SNTB1: variants seen among roughly 807,000 people sequenced by gnomAD.
SNTB1 encodes the protein syntrophin beta 1.
In SNTB1, 36 loss-of-function variants were observed where a neutral mutation model predicts 48.9. The observed-to-expected ratio is 0.74, with a 90% CI of 0.56 to 0.97. The LOEUF (loss-of-function observed/expected upper bound fraction) is 0.97. SNTB1 is among the 50% of genes least tolerant of loss of function. SNTB1 has a pLI of 0.00. For missense variants in SNTB1, 786 were observed against 703.4 expected (o/e 1.12, Z -1.33); for synonymous variants, 299 against 294.6 (o/e 1.01, Z -0.15).
intron 2 of SNTB1, among the ~76,000 whole-genome samples, chr8:120,659,571 C>T (rs1390038433): frequency 1.3e-5 from 2 of 152,130 alleles, no homozygotes; most frequent in Admixed American, 6.5e-5. Context: ...TTTTGACCTC[C>T]TCCCATAAAT....
chr8:120,722,886 T>TAA (rs2129954104), intron 1 of SNTB1, among the ~76,000 whole-genome samples: 1 of 152,312 alleles, frequency 6.6e-6, no homozygotes, highest in East Asian at 1.9e-4. Flanking sequence ...GTCTAACATT[T>TAA]AAGTCTTTAA....
intron 1 of SNTB1, among the ~76,000 whole-genome samples, chr8:120,778,220 A>T (rs1186411784): frequency 6.6e-6 from 1 of 152,222 alleles, no homozygotes; most frequent in Non-Finnish European, 1.5e-5. Context: ...GTTCCCAGGA[A>T]CATTTCTTCC....
chr8:120,758,202 T>C (rs905720366), intron 1 of SNTB1, among the ~76,000 whole-genome samples: 1 of 152,208 alleles, frequency 6.6e-6, no homozygotes, highest in Admixed American at 6.5e-5. Context: ...CTCTTGAAAT[T>C]TGCACTTCTC....
intron 2 of SNTB1, among the ~76,000 whole-genome samples, chr8:120,692,312 G>A (rs1818142215): frequency 6.6e-6 from 1 of 152,102 alleles, no homozygotes; most frequent in Non-Finnish European, 1.5e-5. Context: ...TTCCCCATGA[G>A]CAACTCTGAG....
intron 4 of SNTB1, among the ~76,000 whole-genome samples, 197 bp downstream of exon 4, chr8:120,574,889 T>C (rs1422996277): frequency 2.0e-5 from 3 of 152,242 alleles, no homozygotes; most frequent in Non-Finnish European, 2.9e-5. Context: ...TTTTGTTCTT[T>C]GTCTCTGTGT....
rs559807299 is a variant in SNTB1, at chr8:120,633,295, T to G, written c.789-644A>C. Among the ~76,000 whole-genome samples the G allele has an allele frequency of 5.3e-5, 8 of 152,206 alleles. No individual in the cohort carries two copies. In the South Asian group the frequency reaches 1.7e-3, roughly 32 times the overall value. ...GAAGAGGTAACAATGGGGAGAGAGA[T>G]GCACTAAATGTATTCTATTTAAAGT... On this transcript the variant is annotated intron_variant, in intron 2 of 6. Coordinates refer to ENST00000517992, the MANE Select transcript of SNTB1 (RefSeq NM_021021.4).
chr8:120,708,234 T>C (rs1228405265), intron 1 of SNTB1, among the ~76,000 whole-genome samples: 3 of 151,588 alleles, frequency 2.0e-5, no homozygotes, highest in African/African-American at 7.2e-5. Context: ...CCTAAGAAAA[T>C]AGAGAGCATG....
intron 1 of SNTB1, among the ~76,000 whole-genome samples, chr8:120,715,760 CCTT>C (rs1554581863): frequency 1.3e-5 from 2 of 152,108 alleles, no homozygotes; most frequent in Non-Finnish European, 2.9e-5. Context: ...TTTTCCCCCT[CCTT>C]GTTTCATTTA....
chr8:120,669,881 C>T (rs1381302864), intron 2 of SNTB1, among the ~76,000 whole-genome samples: 1 of 152,100 alleles, frequency 6.6e-6, no homozygotes, highest in Non-Finnish European at 1.5e-5. Context: ...TGCTGGTGTC[C>T]CTGTAATACA....
At chr8:120,661,688 C>G (rs547967774) in intron 2 of SNTB1, among the ~76,000 whole-genome samples, 1 of 152,152 alleles carries the variant, frequency 6.6e-6, no homozygotes, top group Non-Finnish European at 1.5e-5. Context: ...TGATGTCCCC[C>G]TCCCTGTGTC....
At chr8:120,654,484 G>A (rs753992438) in intron 2 of SNTB1, among the ~76,000 whole-genome samples, 2 of 152,030 alleles carry the variant, frequency 1.3e-5, no homozygotes, top group Non-Finnish European at 2.9e-5. Context: ...GAAATATTTA[G>A]GGCAATGCCA....
At chr8:120,713,112 T>A (rs1818492700) in intron 1 of SNTB1, among the ~76,000 whole-genome samples, 1 of 152,170 alleles carries the variant, frequency 6.6e-6, no homozygotes, top group Non-Finnish European at 1.5e-5. Flanking sequence ...AGAGTTACGA[T>A]CATCTGGGTT....
chr8:120,714,989 G>A (rs1283878853), intron 1 of SNTB1, among the ~76,000 whole-genome samples: 1 of 152,204 alleles, frequency 6.6e-6, no homozygotes, highest in Admixed American at 6.5e-5. Context: ...GAAAAGACGA[G>A]CTACATAATA....
intron 1 of SNTB1, among the ~76,000 whole-genome samples, chr8:120,732,772 C>T (rs1046622713): frequency 7.9e-5 from 12 of 152,060 alleles, no homozygotes; most frequent in African/African-American, 2.4e-4. Context: ...TTTGAACCCA[C>T]GAGGTGGAGG....
At chr8:120,551,273 G>C (rs1001694880) in intron 4 of SNTB1, among the ~76,000 whole-genome samples, 1 of 135,232 alleles carries the variant, frequency 7.4e-6, no homozygotes, top group Admixed American at 7.3e-5. Flanking sequence ...AAAAAAAAAA[G>C]AAATTAAATA....
At chr8:120,785,947 T>C (rs1031788493) in intron 1 of SNTB1, among the ~76,000 whole-genome samples, 4 of 152,356 alleles carry the variant, frequency 2.6e-5, no homozygotes, top group East Asian at 3.9e-4. Flanking sequence ...AGTCTGTCCA[T>C]GTGCCCAGTA....
chr8:120,538,963 C>T lies in SNTB1; in HGVS notation c.1531G>A (p.Asp511Asn). 6.2e-7 allele frequency: 1 copy of T among 1,608,530 alleles called. No homozygotes were observed. The highest frequency in any genetic ancestry group is 8.5e-7 in the Non-Finnish European group (1 of 1,178,322). Reference protein sequence around the residue: ...FGGKDGEIQLDLHSCPKPIVF... With the variant: ...FGGKDGEIQLNLHSCPKPIVF... ...ATTGGCTTGGGGCAGGAATGAAGGT[C>T]CAGTTGCTGAAATTTAAAAAGAAGA... The change falls in exon 7 of 7, where the codon GAC becomes AAC. Residue 511 changes from aspartate (D) to asparagine (N), a missense_variant. Coordinates refer to ENST00000517992, the MANE Select transcript of SNTB1 (RefSeq NM_021021.4).
At chr8:120,707,434 G>T (rs1220732747) in intron 1 of SNTB1, among the ~76,000 whole-genome samples, 1 of 152,152 alleles carries the variant, frequency 6.6e-6, no homozygotes, top group African/African-American at 2.4e-5. Flanking sequence ...ATTACATCAG[G>T]ATGACAGAGG....
chr8:120,632,857 A>C (rs1817007486), intron 2 of SNTB1, among the ~76,000 whole-genome samples: 1 of 152,192 alleles, frequency 6.6e-6, no homozygotes, highest in Non-Finnish European at 1.5e-5. Context: ...ACTGGTCTAC[A>C]TATTGGGAAC....
Sources: allele counts gnomAD v4.1 joint callset (sites outside exome capture counted in the v4.1 genomes callset), GRCh38; gene constraint gnomAD v4.1.1; transcripts MANE v1.5; gene names NCBI Gene and HGNC (gene_info 2026-07-23, HGNC 2026-07-21).